FAN1: variants seen among roughly 807,000 people sequenced by gnomAD.
FAN1 encodes the protein fanconi-associated nuclease 1.
Under a neutral mutation model 104.9 loss-of-function variants are expected in FAN1, and 91 were observed. The observed-to-expected ratio is 0.87, with a 90% CI of 0.73 to 1.03. FAN1 has a LOEUF of 1.03. FAN1 is among the 50% of genes least tolerant of loss of function. FAN1 has a pLI of 0.00. For synonymous variants in FAN1, 478 were observed against 457.6 expected (o/e 1.04, Z -0.57); for missense variants, 1,263 against 1,239.9 (o/e 1.02, Z -0.28).
intron 10 of FAN1, chr15:30,926,597 A>C (rs575884918): frequency 1.0e-6 from 1 of 984,260 alleles, no homozygotes; most frequent in Non-Finnish European, 1.2e-6. Flanking sequence ...TAATATCTTT[A>C]TTACTTACAG....
At chr15:30,930,720 T>C in intron 13 of FAN1, 49 bp downstream of exon 13, 1 of 1,597,546 alleles carries the variant, frequency 6.3e-7, no homozygotes. Flanking sequence ...TATTAGCAAC[T>C]GAATCAGAGG....
In FAN1 at chr15:30,923,958, C is replaced by T. The variant is rs190316326; in HGVS notation, c.2173-1169C>T. Among the ~76,000 whole-genome samples the T allele has an allele frequency of 3.2e-3, 493 of 152,270 alleles. 2 individuals are homozygous for T. The highest frequency in any genetic ancestry group is 0.011 in the African/African-American group (454 of 41,540). On this transcript the variant is annotated intron_variant, in intron 8 of 14. Transcript: ENST00000362065. ...ACCATTGCCTCTCCACTTACCACTC[C>T]AAACAGAAACACTGCAGCCATTAGG...
At chr15:30,928,475 G>A (rs2062522352) in intron 10 of FAN1, 78 bp from the exon 11 acceptor site, 1 of 1,574,152 alleles carries the variant, frequency 6.4e-7, no homozygotes, top group African/African-American at 1.4e-5. Context: ...AGGTTATGGT[G>A]GTGTTTTGGA....
chr15:30,904,567 T>A lies in FAN1; in HGVS notation c.-97T>A, dbSNP rs912196574. On this transcript the variant is annotated 5_prime_UTR_variant, in exon 2 of 15. Transcript: ENST00000362065. The stretch of plus-strand genomic sequence containing the variant: ...AGGTCATATAGAATCCCACTTTTGG[T>A]GATTTCAAGTCAAGAAAGTAAAAGT... 3 of 1,212,998 alleles carry A rather than the reference T, an allele frequency of 2.5e-6. No individual in the cohort carries two copies. The African/African-American group carries it at 4.5e-5, about 18-fold the overall frequency. 75.1% of individuals were successfully genotyped at this position (1,212,998 alleles called of 1,614,324 possible). A position where few individuals can be genotyped will look rare whatever the true frequency, so the allele number is the denominator to read the frequency against.
At chr15:30,912,304 G>A (rs1043068039) in intron 4 of FAN1, among the ~76,000 whole-genome samples, 3 of 152,170 alleles carry the variant, frequency 2.0e-5, no homozygotes, top group Non-Finnish European at 2.9e-5. Context: ...CTAGGGCAGC[G>A]CCTGGTGCTT....
At chr15:30,930,034 TTAA>T (rs1453983219) in intron 12 of FAN1, among the ~76,000 whole-genome samples, 6 of 138,548 alleles carry the variant, frequency 4.3e-5, no homozygotes, top group African/African-American at 1.3e-4. Context: ...AATATATATA[TTAA>T]TATTATATAA....
intron 9 of FAN1, 50 bp from the exon 10 acceptor site, chr15:30,925,739 G>C (rs1418054333): frequency 6.2e-7 from 1 of 1,604,386 alleles, no homozygotes; most frequent in East Asian, 2.2e-5. Flanking sequence ...AGGTTTTCAG[G>C]GACTTTTGCT....
At chr15:30,940,180 A>C (rs552719716) in intron 14 of FAN1, 55 of 985,288 alleles carry the variant, frequency 5.6e-5, no homozygotes, top group Non-Finnish European at 6.6e-5. Flanking sequence ...GGGAATGAGG[A>C]GTGTGGGGGA....
chr15:30,904,781 G>A lies in FAN1; in HGVS notation c.118G>A (p.Ala40Thr), dbSNP rs774562404. 10 of 1,613,480 alleles carry A rather than the reference G, an allele frequency of 6.2e-6. No homozygotes were observed. In the African/African-American group the frequency reaches 1.2e-4, roughly 19 times the overall value. ...IISCFNNAPP[A>T]KLACPVCSKM... The stretch of plus-strand genomic sequence containing the variant: ...TTCGTGTTTTAACAATGCACCACCT[G>A]CTAAACTTGCCTGCCCCGTTTGCAG... The change falls in exon 2 of 15, where the codon GCT becomes ACT. Residue 40 changes from alanine (A) to threonine (T), a missense_variant. This residue lies in a region of FAN1 where 682 missense variants were observed against 571.1 expected (regional missense o/e 1.19). Transcript: ENST00000362065.
At chr15:30,926,927 G>A (rs1273001879) in intron 10 of FAN1, 7 of 985,276 alleles carry the variant, frequency 7.1e-6, no homozygotes, top group South Asian at 4.7e-5. Context: ...GTGTCAGAGC[G>A]ATCTCAACCT....
chr15:30,922,485 G>T (rs2062357926), intron 8 of FAN1, 131 bp downstream of exon 8: 1 of 979,346 alleles, frequency 1.0e-6, no homozygotes. Context: ...TTCTTCTTTT[G>T]TCTGTGTTCT....
At chr15:30,923,404 C>T (rs1371988918) in intron 8 of FAN1, among the ~76,000 whole-genome samples, 5 of 152,154 alleles carry the variant, frequency 3.3e-5, no homozygotes, top group Non-Finnish European at 7.4e-5. Context: ...TACAGATTTC[C>T]CCTCTGTTCA....
intron 5 of FAN1, among the ~76,000 whole-genome samples, chr15:30,914,777 A>G (rs947967456): frequency 9.2e-5 from 14 of 152,238 alleles, no homozygotes; most frequent in African/African-American, 3.1e-4. Context: ...AGGTAAAGCT[A>G]TTAATAACTT....
chr15:30,912,658 G>GTT (rs2062123149), intron 4 of FAN1, among the ~76,000 whole-genome samples: 1 of 152,212 alleles, frequency 6.6e-6, no homozygotes, highest in Admixed American at 6.5e-5. Context: ...TTCTGCACCA[G>GTT]AAGGGTGTGA....
chr15:30,921,151 T>C (rs1338381874), intron 7 of FAN1, among the ~76,000 whole-genome samples: 1 of 152,110 alleles, frequency 6.6e-6, no homozygotes, highest in Non-Finnish European at 1.5e-5. Flanking sequence ...CTTGGATTAG[T>C]AGAGAGAAGA....
intron 13 of FAN1, among the ~76,000 whole-genome samples, chr15:30,934,617 G>A (rs1312554470): frequency 6.6e-6 from 1 of 152,146 alleles, no homozygotes; most frequent in African/African-American, 2.4e-5. Flanking sequence ...CCAGGCTCAA[G>A]CAGTTCACCT....
At position 30,925,896 on chromosome 15, in the gene FAN1, G is replaced by GGA. The variant is rs1555402145; in HGVS notation, c.2447_2448dup (p.Leu817SerfsTer74). 1 of 1,614,242 alleles carries GGA rather than the reference G, an allele frequency of 6.2e-7. No homozygotes were observed. Among genetic ancestry groups the GGA allele is most frequent in the Non-Finnish European group, 8.5e-7 (1 of 1,180,046 alleles). Reference sequence around the variant, plus strand: ...CCACCACGGTCCTGTGCTCTGTGGAGGAGCTGGCACTGGCCCATTACAGAC... The same window carrying GGA: ...CCACCACGGTCCTGTGCTCTGTGGAGGAGAGCTGGCACTGGCCCATTACAGAC... On this transcript the variant is annotated frameshift_variant, in exon 10 of 15. Transcript: ENST00000362065. LOFTEE classifies it high-confidence loss of function.
intron 13 of FAN1, among the ~76,000 whole-genome samples, chr15:30,935,505 A>T (rs2062828503): frequency 6.6e-6 from 1 of 151,850 alleles, no homozygotes; most frequent in Non-Finnish European, 1.5e-5. Flanking sequence ...ACAGCATAAC[A>T]ACTATTTTCA....
rs377659343 is a variant in FAN1 at position 30,932,114 on chromosome 15, T to C, written c.2916+1443T>C. Among the ~76,000 whole-genome samples, 57 of 148,546 alleles carry C rather than the reference T, an allele frequency of 3.8e-4. 1 individual carries two copies. In the East Asian group the frequency reaches 0.01, roughly 26 times the overall value. On this transcript the variant is annotated intron_variant, in intron 13 of 14. Transcript: ENST00000362065. ...GCGGGCGCCTGTAGTCCCAGCTACTTGGGAGGCTGAGGCAGGAGAATCGCT... is the reference window on the plus strand; with the variant it reads ...GCGGGCGCCTGTAGTCCCAGCTACTCGGGAGGCTGAGGCAGGAGAATCGCT...
Sources: allele counts gnomAD v4.1 joint callset (sites outside exome capture counted in the v4.1 genomes callset), GRCh38; gene constraint gnomAD v4.1.1; regional missense constraint gnomAD v4.1.1; transcripts MANE v1.5; gene names NCBI Gene and HGNC (gene_info 2026-07-23, HGNC 2026-07-21).